Variants in DLG1 observed in about 807,000 individuals in gnomAD.
DLG1 encodes the protein disks large homolog 1.
DLG1 carries 42 observed loss-of-function variants against 123.4 expected under a neutral mutation model. The observed-to-expected ratio is 0.34, with a 90% confidence interval of 0.27 to 0.44. The LOEUF (loss-of-function observed/expected upper bound fraction) is 0.44. Among genes scored for constraint, DLG1 ranks in the 20% least tolerant of loss-of-function variants. The pLI is 1.00. For synonymous variants in DLG1, 317 were observed against 356.2 expected (o/e 0.89, Z 1.24); for missense variants, 942 against 1,082.6 (o/e 0.87, Z 1.82).
chr3:197,297,842 C>G (rs938576261), intron 1 of DLG1: 4 of 985,216 alleles, frequency 4.1e-6, no homozygotes, highest in Admixed American at 6.2e-5. Context: ...GGGGTGCGCC[C>G]CGGCCAGACT....
chr3:197,160,877 C>G (rs1246473221), intron 5 of DLG1, among the ~76,000 whole-genome samples: 1 of 152,096 alleles, frequency 6.6e-6, no homozygotes, highest in Non-Finnish European at 1.5e-5. Context: ...TTTATTTACA[C>G]TTTAAATGAG....
intron 10 of DLG1, among the ~76,000 whole-genome samples, chr3:197,133,956 G>C (rs535738860): frequency 6.6e-6 from 1 of 152,318 alleles, no homozygotes; most frequent in South Asian, 2.1e-4. Flanking sequence ...TGATTTAAGA[G>C]AGAGACTTGC....
chr3:197,292,452 T>C (rs1408470190), intron 3 of DLG1, among the ~76,000 whole-genome samples: 1 of 152,042 alleles, frequency 6.6e-6, no homozygotes, highest in Non-Finnish European at 1.5e-5. Flanking sequence ...GGCTGGGAAG[T>C]GAGAGGAAAG....
rs745832359 is a variant in DLG1, at chr3:197,085,562, G to A, written c.1838+18C>T. 1 of 1,612,372 alleles carries A rather than the reference G, an allele frequency of 6.2e-7. No homozygotes were observed. The highest frequency in any genetic ancestry group is 8.5e-7 in the Non-Finnish European group (1 of 1,178,960). On this transcript the variant is annotated intron_variant, in intron 16 of 24. Transcript: ENST00000667157. Reference sequence around the variant, plus strand: ...TATTTATGTTGCCTCACATTCAAGTGGTAAGAAACAGGCATACCTGCGTTT... The same window carrying A: ...TATTTATGTTGCCTCACATTCAAGTAGTAAGAAACAGGCATACCTGCGTTT...
chr3:197,283,571 T>C (rs1186211797), intron 3 of DLG1, among the ~76,000 whole-genome samples: 3 of 152,182 alleles, frequency 2.0e-5, no homozygotes, highest in Non-Finnish European at 4.4e-5. Context: ...CAGCTAGAAT[T>C]ATAAAAACTT....
intron 16 of DLG1, among the ~76,000 whole-genome samples, chr3:197,083,558 C>T (rs1247638813): frequency 1.3e-5 from 2 of 152,166 alleles, no homozygotes; most frequent in Admixed American, 6.5e-5. Context: ...AACAGCACTT[C>T]ACAGGCCTTA....
chr3:197,273,204 G>GTGTA (rs1553803347), intron 4 of DLG1, among the ~76,000 whole-genome samples: 1 of 150,816 alleles, frequency 6.6e-6, no homozygotes, highest in Non-Finnish European at 1.5e-5. Flanking sequence ...GTGTGTGTGT[G>GTGTA]TGTGTGTATG....
rs55787890 is a variant in DLG1 at position 197,095,632 on chromosome 3, T to C, written c.1547-4606A>G. On this transcript the variant is annotated intron_variant, in intron 14 of 24. Coordinates refer to ENST00000667157, the MANE Select transcript of DLG1 (RefSeq NM_001366207.1). ...GTCCCATCACCAATGTTATTAACTTTAATCGCTTGATAAAAGTTGTGTCTG... is the reference window on the plus strand; with the variant it reads ...GTCCCATCACCAATGTTATTAACTTCAATCGCTTGATAAAAGTTGTGTCTG... Among the ~76,000 whole-genome samples, 788 of 152,316 alleles carry C rather than the reference T, an allele frequency of 5.2e-3. 7 individuals are homozygous for C. The highest frequency in any genetic ancestry group is 0.018 in the African/African-American group (743 of 41,556).
intron 5 of DLG1, chr3:197,161,565 G>T: frequency 2.1e-6 from 2 of 944,418 alleles, no homozygotes; most frequent in African/African-American, 1.7e-5. Flanking sequence ...AGCTCAAACA[G>T]TTTTAAAAAA....
chr3:197,291,562 GCTAT>G (rs1191366414), intron 3 of DLG1, among the ~76,000 whole-genome samples: 5 of 152,266 alleles, frequency 3.3e-5, no homozygotes, highest in Middle Eastern at 3.4e-3. Flanking sequence ...CCTAAAGATT[GCTAT>G]CTGTCTTAAG....
chr3:197,221,242 G>A (rs1736833890), intron 4 of DLG1, among the ~76,000 whole-genome samples: 1 of 152,198 alleles, frequency 6.6e-6, no homozygotes, highest in South Asian at 2.1e-4. Context: ...CAGGGACCGG[G>A]CGTGGTGGCT....
At chr3:197,113,821 A>C (rs1390055270) in intron 13 of DLG1, among the ~76,000 whole-genome samples, 1 of 152,168 alleles carries the variant, frequency 6.6e-6, no homozygotes, top group Middle Eastern at 3.2e-3. Flanking sequence ...GATAAGATGT[A>C]GTTTCAGATT....
At chr3:197,239,375 CTGG>C (rs2150719508) in intron 4 of DLG1, among the ~76,000 whole-genome samples, 1 of 152,278 alleles carries the variant, frequency 6.6e-6, no homozygotes, top group Non-Finnish European at 1.5e-5. Flanking sequence ...GAAGGCTTCA[CTGG>C]TGAATTCTGC....
chr3:197,096,882 T>G (rs1299134208), intron 14 of DLG1, among the ~76,000 whole-genome samples: 1 of 152,244 alleles, frequency 6.6e-6, no homozygotes, highest in Non-Finnish European at 1.5e-5. Context: ...TTCCATGGAT[T>G]TGACTGTGAT....
intron 5 of DLG1, among the ~76,000 whole-genome samples, chr3:197,180,890 G>A (rs917070927): frequency 6.6e-6 from 1 of 152,092 alleles, no homozygotes; most frequent in Non-Finnish European, 1.5e-5. Flanking sequence ...CATTTGAGGT[G>A]AATGGAATAA....
intron 4 of DLG1, among the ~76,000 whole-genome samples, chr3:197,221,419 C>G (rs1366756451): frequency 6.6e-6 from 1 of 151,940 alleles, no homozygotes; most frequent in African/African-American, 2.4e-5. Context: ...ACTCGGGAGG[C>G]TGACGTGGGA....
intron 4 of DLG1, among the ~76,000 whole-genome samples, chr3:197,243,468 G>A (rs182688339): frequency 1.1e-4 from 16 of 152,252 alleles, no homozygotes; most frequent in African/African-American, 3.9e-4. Context: ...GTTCCTCACT[G>A]TCTAGAAGTA....
intron 9 of DLG1, among the ~76,000 whole-genome samples, chr3:197,137,696 G>A (rs1785721368): frequency 6.6e-6 from 1 of 152,110 alleles, no homozygotes; most frequent in African/African-American, 2.4e-5. Flanking sequence ...TGGGCCAGGT[G>A]CAGTGGCTCA....
At chr3:197,117,121 T>C (rs960128558) in intron 12 of DLG1, among the ~76,000 whole-genome samples, 3 of 151,854 alleles carry the variant, frequency 2.0e-5, no homozygotes, top group South Asian at 2.1e-4. Context: ...GAAAGAGATA[T>C]AAAAATAATG....
Sources: gnomAD v4.1 joint callset for allele counts (sites outside exome capture counted in the v4.1 genomes callset) on GRCh38, gnomAD v4.1.1 for gene constraint, MANE v1.5 for transcripts, NCBI Gene and HGNC (gene_info 2026-07-23, HGNC 2026-07-21) for gene names.